The following PIK3C2G variants were observed in gnomAD, a reference collection of about 807,000 sequenced individuals.
The protein encoded by PIK3C2G is phosphatidylinositol-4-phosphate 3-kinase catalytic subunit type 2 gamma, also known as phosphatidylinositol 3-kinase C2 domain-containing subunit gamma.
A neutral mutation model predicts 181.1 loss-of-function variants in PIK3C2G; 168 were observed. The observed-to-expected ratio is 0.93, with a 90% CI of 0.82 to 1.05. The LOEUF (loss-of-function observed/expected upper bound fraction) is 1.05. Ranked by LOEUF, PIK3C2G falls within the 50% of genes least tolerant of loss-of-function variation. The pLI is 0.00. For synonymous variants in PIK3C2G, 573 were observed against 592.2 expected, an observed-to-expected ratio of 0.97 and a Z score of 0.47; for missense variants, 1,869 against 1,732.8, an observed-to-expected ratio of 1.08 and a Z score of -1.40.
In PIK3C2G at chr12:18,496,130, C is replaced by T; in HGVS notation, c.2862C>T (p.Gly954=). 6.5e-7 allele frequency: 1 copy of T among 1,533,260 alleles called. No homozygotes were observed. The highest frequency in any genetic ancestry group is 1.2e-5 in the South Asian group (1 of 81,002). The allele number at this position is 1,533,260 out of a possible 1,614,324, so 95.0% of individuals were successfully genotyped here. A position where few individuals can be genotyped will look rare whatever the true frequency, so the allele number is the denominator to read the frequency against. Residue 954 remains glycine (G), a synonymous_variant, in exon 21 of 33, where the codon GGC becomes GGT. Coordinates refer to ENST00000538779, the MANE Select transcript of PIK3C2G (RefSeq NM_001288772.2). ...CTTTCATCAATGCTAATCCGATGGGCAAAAACATCAGCATTATTTTTAAGG... is the reference window on the plus strand; with the variant it reads ...CTTTCATCAATGCTAATCCGATGGGTAAAAACATCAGCATTATTTTTAAGG... ...KITFINANPM[G]KNISIIFKAG...
Position 18,640,555 on chromosome 12 carries a change from G to C in PIK3C2G, c.4308+1G>C. ...TACGGACCCCACTTACAATGAAATT[G>C]TAAGTATAAGTCACCTTTTGTCCAG... On this transcript the variant is annotated splice_donor_variant, in intron 32 of 32. Coordinates refer to ENST00000538779, the MANE Select transcript of PIK3C2G (RefSeq NM_001288772.2). LOFTEE classifies it high-confidence loss of function. 1 of 1,590,582 alleles carries C rather than the reference G, an allele frequency of 6.3e-7. No individual in the cohort carries two copies. The highest frequency in any genetic ancestry group is 2.3e-5 in the East Asian group (1 of 44,166).
the PIK3C2G span, among the ~76,000 whole-genome samples, chr12:18,678,212 A>G: frequency 6.6e-6 from 1 of 152,084 alleles, no homozygotes; most frequent in South Asian, 2.1e-4. Flanking sequence ...TCTGGCTAAT[A>G]CTGCTGTTAG....
At chr12:18,690,544 G>C in the PIK3C2G span, among the ~76,000 whole-genome samples, 102 of 152,194 alleles carry the variant, frequency 6.7e-4, no homozygotes, top group African/African-American at 2.4e-3. Flanking sequence ...TATCCTTAAA[G>C]AATCCTCAGA....
chr12:18,346,618 G>T, intron 10 of PIK3C2G, 23 bp from the exon 11 acceptor site: 1 of 1,478,916 alleles, frequency 6.8e-7, no homozygotes, highest in South Asian at 1.2e-5. Flanking sequence ...TTAGTGACTT[G>T]ATCTCTATCT....
At chr12:18,466,967 T>C (rs1430065763) in intron 18 of PIK3C2G, among the ~76,000 whole-genome samples, 1 of 152,076 alleles carries the variant, frequency 6.6e-6, no homozygotes, top group Non-Finnish European at 1.5e-5. Context: ...AGTGCATTTC[T>C]TAAAAACAAA....
chr12:18,474,911 A>C (rs563083153), intron 18 of PIK3C2G, among the ~76,000 whole-genome samples: 3 of 152,234 alleles, frequency 2.0e-5, no homozygotes, highest in East Asian at 3.9e-4. Flanking sequence ...AATTAATTCC[A>C]AAGCAATTTC....
intron 14 of PIK3C2G, among the ~76,000 whole-genome samples, chr12:18,390,797 T>C (rs529796290): frequency 1.3e-5 from 2 of 152,120 alleles, no homozygotes; most frequent in Non-Finnish European, 2.9e-5. Context: ...AAAAAGGATA[T>C]AATGTTAGCA....
chr12:18,346,773 T>C lies in PIK3C2G; in HGVS notation c.1562T>C (p.Leu521Pro). Residue 521 changes from leucine to proline, a missense_variant, in exon 11 of 33, where the codon CTT becomes CCT. Transcript: ENST00000538779. ...PRCTSYLNPG[L>P]PSHLSFTVYA... ...TGCACTTCCTATCTAAATCCCGGGC[T>C]TCCTTCCCACCTCAGCTTCACAGTG... 6.2e-7 allele frequency: 1 copy of C among 1,604,612 alleles called. No individual in the cohort carries two copies. The highest frequency in any genetic ancestry group is 1.3e-5 in the African/African-American group (1 of 74,746).
upstream of PIK3C2G, among the ~76,000 whole-genome samples, chr12:18,258,499 T>G (rs554481314): frequency 6.6e-6 from 1 of 152,128 alleles, no homozygotes; most frequent in African/African-American, 2.4e-5. Context: ...AATTTAACTT[T>G]TTTAGATTTC....
rs999030322 is a variant in PIK3C2G at position 18,614,955 on chromosome 12, A to ACTTTT, written c.4182+5342_4182+5346dup. ...TCCTGATCAAAACTTCTCTATAATT[A>ACTTTT]CTTTTCTTTTCTTTTCTTTTATTAT... On this transcript the variant is annotated intron_variant, in intron 31 of 32. Coordinates refer to ENST00000538779, the MANE Select transcript of PIK3C2G (RefSeq NM_001288772.2). Among the ~76,000 whole-genome samples, 15 of 151,956 alleles carry ACTTTT rather than the reference A, an allele frequency of 9.9e-5. No individual in the cohort carries two copies. The South Asian group carries it at 1.5e-3, about 15-fold the overall frequency.
chr12:18,601,904 C>T (rs1947738060), intron 30 of PIK3C2G, among the ~76,000 whole-genome samples: 1 of 152,052 alleles, frequency 6.6e-6, no homozygotes, highest in African/African-American at 2.4e-5. Context: ...GCTGGGTCCC[C>T]AAGCAGCCCA....
At chr12:18,584,385 T>C (rs536779468) in intron 29 of PIK3C2G, among the ~76,000 whole-genome samples, 4 of 152,168 alleles carry the variant, frequency 2.6e-5, no homozygotes, top group Admixed American at 2.6e-4. Context: ...CTAAAAGTAT[T>C]TTACGATACA....
chr12:18,252,090 G>A (rs1262612865), intron 1 of PIK3C2G, among the ~76,000 whole-genome samples: 3 of 152,108 alleles, frequency 2.0e-5, no homozygotes, highest in Non-Finnish European at 4.4e-5. Flanking sequence ...AAATTAAGCA[G>A]ATCAAATATT....
intron 15 of PIK3C2G, among the ~76,000 whole-genome samples, 178 bp downstream of exon 15, chr12:18,391,430 G>A (rs1943526539): frequency 6.6e-6 from 1 of 152,084 alleles, no homozygotes; most frequent in South Asian, 2.1e-4. Context: ...AAGTAATTTT[G>A]TCTGCTTTTA....
At chr12:18,536,574 G>T (rs971961688) in intron 24 of PIK3C2G, among the ~76,000 whole-genome samples, 1 of 152,030 alleles carries the variant, frequency 6.6e-6, no homozygotes, top group African/African-American at 2.4e-5. Flanking sequence ...TCACAAATGT[G>T]CCACCCTCCC....
At chr12:18,270,965 C>T (rs1948722194) in intron 1 of PIK3C2G, among the ~76,000 whole-genome samples, 1 of 152,024 alleles carries the variant, frequency 6.6e-6, no homozygotes, top group African/African-American at 2.4e-5. Flanking sequence ...TTAATCTATG[C>T]AAGATGTTTT....
At position 18,394,998 on chromosome 12, in the gene PIK3C2G, TTC is replaced by T. The variant is rs1399005021; in HGVS notation, c.2126+3750_2126+3751del. Among the ~76,000 whole-genome samples, 6 of 148,532 alleles carry T rather than the reference TTC, an allele frequency of 4.0e-5. No individual in the cohort carries two copies. The East Asian group carries it at 5.8e-4, about 14-fold the overall frequency. ...CTCTCCCTTTCTTTCTTTCTTTTCT[TTC>T]TCTTTCTTTCTTCTTTTTCTTTCTT... On this transcript the variant is annotated intron_variant, in intron 15 of 32. Transcript: ENST00000538779.
the PIK3C2G span, chr12:18,683,285 C>G: frequency 6.2e-7 from 1 of 1,612,618 alleles, no homozygotes; most frequent in Non-Finnish European, 8.5e-7. Context: ...AGGCTCAAGG[C>G]TCTCACCCAT....
chr12:18,664,342 G>T, the PIK3C2G span, among the ~76,000 whole-genome samples: 1 of 152,160 alleles, frequency 6.6e-6, no homozygotes, highest in Non-Finnish European at 1.5e-5. Context: ...TAGCAGCATT[G>T]TTCTCAATAG....
Sources: gnomAD v4.1 joint callset for allele counts (sites outside exome capture counted in the v4.1 genomes callset) on GRCh38, gnomAD v4.1.1 for gene constraint, MANE v1.5 for transcripts, NCBI Gene and HGNC (gene_info 2026-07-23, HGNC 2026-07-21) for gene names.